BANP: variants seen among roughly 807,000 people sequenced by gnomAD.
BANP encodes protein BANP.
In BANP, 11 loss-of-function variants were observed where a neutral mutation model predicts 68.1. The ratio of observed to expected loss-of-function variants is 0.16; its 90% CI spans 0.10 to 0.27. The LOEUF (loss-of-function observed/expected upper bound fraction) is 0.27. BANP is among the 10% of genes least tolerant of loss of function. The pLI, the probability that BANP is intolerant of heterozygous loss-of-function variation, is 1.00. For missense variants in BANP, 504 were observed against 722.7 expected, an observed-to-expected ratio of 0.70 and a Z score of 3.47; for synonymous variants, 329 against 303.2, an observed-to-expected ratio of 1.09 and a Z score of -0.88.
At chr16:87,998,724 A>G (rs2068049774) in intron 4 of BANP, among the ~76,000 whole-genome samples, 1 of 146,560 alleles carries the variant, frequency 6.8e-6, no homozygotes, top group Non-Finnish European at 1.5e-5. Flanking sequence ...CCATGCACGC[A>G]CGTGCGCGGC....
At chr16:88,045,100 A>G (rs954717688) in intron 11 of BANP, among the ~76,000 whole-genome samples, 1 of 152,242 alleles carries the variant, frequency 6.6e-6, no homozygotes, top group Non-Finnish European at 1.5e-5. Context: ...AAAAAATCAC[A>G]TTCAATCTAA....
chr16:87,958,776 T>C (rs2144783322), intron 1 of BANP, among the ~76,000 whole-genome samples: 1 of 152,372 alleles, frequency 6.6e-6, no homozygotes, highest in African/African-American at 2.4e-5. Context: ...ATGTGGCTTC[T>C]CATCCAAGTT....
At chr16:88,033,548 G>C (rs573860705) in intron 9 of BANP, among the ~76,000 whole-genome samples, 1 of 152,192 alleles carries the variant, frequency 6.6e-6, no homozygotes, top group Non-Finnish European at 1.5e-5. Context: ...CAGGCCGTGC[G>C]GTGGTCCCTG....
chr16:88,058,513 C>G (rs896892696), intron 11 of BANP, among the ~76,000 whole-genome samples: 1 of 152,156 alleles, frequency 6.6e-6, no homozygotes, highest in East Asian at 1.9e-4. Flanking sequence ...ACCAGAGCTT[C>G]GGGGGATTCC....
intron 8 of BANP, among the ~76,000 whole-genome samples, chr16:88,029,918 C>A (rs984136427): frequency 1.2e-4 from 19 of 152,168 alleles, no homozygotes; most frequent in African/African-American, 4.3e-4. Flanking sequence ...TACACGGGGG[C>A]CTTCTTGGGT....
intron 6 of BANP, among the ~76,000 whole-genome samples, chr16:88,010,874 C>T (rs1311627056): frequency 6.6e-6 from 1 of 152,188 alleles, no homozygotes; most frequent in African/African-American, 2.4e-5. Flanking sequence ...TCACACACCT[C>T]GCAGTGCACG....
chr16:87,952,088 C>T (rs956867761), intron 1 of BANP: 4 of 152,250 alleles, frequency 2.6e-5, no homozygotes, highest in African/African-American at 4.8e-5. Context: ...CCCCGATGAA[C>T]GAGGACCTCG....
At chr16:87,959,894 C>G (rs761683211) in intron 1 of BANP, 1 of 153,042 alleles carries the variant, frequency 6.5e-6, no homozygotes, top group African/African-American at 2.4e-5. Context: ...AGAAAGATAA[C>G]AGGGAAGTGA....
intron 4 of BANP, among the ~76,000 whole-genome samples, chr16:87,991,604 G>A (rs760639572): frequency 3.9e-5 from 6 of 152,162 alleles, no homozygotes; most frequent in Non-Finnish European, 8.8e-5. Context: ...TTCAGCTTCT[G>A]TGCATATTTT....
At chr16:87,993,716 A>G (rs946982211) in intron 4 of BANP, among the ~76,000 whole-genome samples, 23 of 144,920 alleles carry the variant, frequency 1.6e-4, no homozygotes, top group African/African-American at 4.3e-4. Flanking sequence ...TTCTACCTCA[A>G]CCTCCCAAGT....
chr16:88,033,520 G>T (rs1462214371), intron 9 of BANP, among the ~76,000 whole-genome samples: 2 of 152,216 alleles, frequency 1.3e-5, no homozygotes, highest in South Asian at 2.1e-4. Context: ...AGGCAGGCGG[G>T]CAGTCAGCTC....
chr16:87,954,193 T>G (rs1050834209), intron 1 of BANP, among the ~76,000 whole-genome samples: 3 of 152,226 alleles, frequency 2.0e-5, no homozygotes, highest in African/African-American at 7.2e-5. Flanking sequence ...TGTGTCTCGT[T>G]TATTCTCATT....
At chr16:87,995,462 C>T (rs1288262997) in intron 4 of BANP, among the ~76,000 whole-genome samples, 1 of 152,074 alleles carries the variant, frequency 6.6e-6, no homozygotes, top group Non-Finnish European at 1.5e-5. Flanking sequence ...TCCATTTTTT[C>T]CTAATAAGTA....
chr16:88,006,302 G>A, intron 6 of BANP, 37 bp downstream of exon 6: 1 of 1,540,782 alleles, frequency 6.5e-7, no homozygotes, highest in South Asian at 1.2e-5. Context: ...CAGAGCGCCA[G>A]TACAATTGTT....
intron 13 of BANP, among the ~76,000 whole-genome samples, chr16:88,075,472 C>T (rs1235403305): frequency 6.6e-6 from 1 of 152,168 alleles, no homozygotes; most frequent in Non-Finnish European, 1.5e-5. Context: ...TACTGCACTC[C>T]AACCTGGGCA....
chr16:88,029,493 C>T (rs1437336592), intron 8 of BANP, among the ~76,000 whole-genome samples: 3 of 151,868 alleles, frequency 2.0e-5, no homozygotes, highest in East Asian at 1.9e-4. Flanking sequence ...CGCCTGTAGT[C>T]CCAGCTACTC....
At position 87,957,794 on chromosome 16, in the gene BANP, C is replaced by G. The variant is rs530208751; in HGVS notation, c.-69+6279C>G. Among the ~76,000 whole-genome samples, 1 of 152,330 alleles carries G rather than the reference C, an allele frequency of 6.6e-6. No individual in the cohort carries two copies. Among genetic ancestry groups the G allele is most frequent in the East Asian group, 1.9e-4 (1 of 5,186 alleles). Reference sequence around the variant, plus strand: ...AACGCCTTCACCTTTCACCAGATGACGCGGGGGGAATTGGGCCACGGTCCC... The same window carrying G: ...AACGCCTTCACCTTTCACCAGATGAGGCGGGGGGAATTGGGCCACGGTCCC... On this transcript the variant is annotated intron_variant, in intron 1 of 13. Transcript: ENST00000682872. The surrounding 1 kb of genome is among the most constrained non-coding windows in gnomAD (Gnocchi z 4.3).
chr16:88,066,102 G>A (rs1411569706), intron 12 of BANP, among the ~76,000 whole-genome samples: 1 of 152,190 alleles, frequency 6.6e-6, no homozygotes. Flanking sequence ...CATGCGAGGC[G>A]GCCTCAGGGC....
chr16:88,065,578 G>T (rs2088305221), intron 12 of BANP, among the ~76,000 whole-genome samples: 1 of 152,176 alleles, frequency 6.6e-6, no homozygotes. Flanking sequence ...ACAGCGAGCT[G>T]GGGTGAGACG....
Sources: allele counts gnomAD v4.1 joint callset (sites outside exome capture counted in the v4.1 genomes callset), GRCh38; gene constraint gnomAD v4.1.1; non-coding constraint Gnocchi (gnomAD v3.1); transcripts MANE v1.5; gene names NCBI Gene and HGNC (gene_info 2026-07-23, HGNC 2026-07-21).